XPR1: variants seen among roughly 807,000 people sequenced by gnomAD.
XPR1 encodes the protein solute carrier family 53 member 1.
Under a neutral mutation model 87.5 loss-of-function variants are expected in XPR1, and 28 were observed. The ratio of observed to expected loss-of-function variants is 0.32; its 90% confidence interval spans 0.24 to 0.44. The LOEUF is 0.44. Ranked by LOEUF, XPR1 falls within the 20% of genes least tolerant of loss-of-function variation. The pLI, the probability that XPR1 is intolerant of heterozygous loss-of-function variation, is 1.00. For synonymous variants in XPR1, 300 were observed against 306.1 expected, an observed-to-expected ratio of 0.98 and a Z score of 0.21; for missense variants, 559 against 862.3, an observed-to-expected ratio of 0.65 and a Z score of 4.41.
In XPR1 at chr1:180,722,694, G is replaced by A. The variant is rs549331386; in HGVS notation, c.121+40283G>A. Among the ~76,000 whole-genome samples, 30 of 152,204 alleles carry A rather than the reference G, an allele frequency of 2.0e-4. No homozygotes were observed. The South Asian group carries it at 3.9e-3, about 20-fold the overall frequency. ...AAACTAAATGATCATCAAAACACTG[G>A]TCTTAAAATAGAGTTCAGGCTGTTT... On this transcript the variant is annotated intron_variant, in intron 2 of 14. Transcript: ENST00000367590.
Position 180,754,757 on chromosome 1 carries a change from C to T in XPR1, c.122-32996C>T, listed in dbSNP as rs560487168. Among the ~76,000 whole-genome samples, 21 of 152,208 alleles carry T rather than the reference C, an allele frequency of 1.4e-4. No individual in the cohort carries two copies. In the South Asian group the frequency reaches 3.7e-3, roughly 27 times the overall value. Reference sequence around the variant, plus strand: ...GATTACAGGTGTGAGCCATCGGGCCCGGCCTCCTTTCTTGTATTTTAAAAT... The same window carrying T: ...GATTACAGGTGTGAGCCATCGGGCCTGGCCTCCTTTCTTGTATTTTAAAAT... On this transcript the variant is annotated intron_variant, in intron 2 of 14. Coordinates refer to ENST00000367590, the MANE Select transcript of XPR1 (RefSeq NM_004736.4).
chr1:180,772,682 T>C (rs1648561624), intron 2 of XPR1, among the ~76,000 whole-genome samples: 1 of 152,230 alleles, frequency 6.6e-6, no homozygotes, highest in Admixed American at 6.5e-5. Context: ...TGAGATTTGA[T>C]GGTTTTAAAA....
chr1:180,632,051 G>C lies in XPR1; in HGVS notation c.-151G>C. 1.2e-6 allele frequency: 1 copy of C among 832,726 alleles called. No individual in the cohort carries two copies. Among genetic ancestry groups the C allele is most frequent in the South Asian group, 1.5e-5 (1 of 67,142 alleles). The allele number at this position is 832,726 out of a possible 1,614,324, so 51.6% of individuals were successfully genotyped here. ...AGAGGAGGAGGAAGATGGCGGGCGG[G>C]CTGCTCTGAAGAGACCTCGGCGGCG... On this transcript the variant is annotated 5_prime_UTR_variant, in exon 1 of 15. Coordinates refer to ENST00000367590, the MANE Select transcript of XPR1 (RefSeq NM_004736.4).
At chr1:180,812,750 A>ACGATTTTC (rs887582116) in intron 7 of XPR1, among the ~76,000 whole-genome samples, 2 of 150,088 alleles carry the variant, frequency 1.3e-5, no homozygotes, top group African/African-American at 2.5e-5. Context: ...CTGGGTTCAC[A>ACGATTTTC]CGATTTTCCT....
At chr1:180,757,808 C>T (rs1647810139) in intron 2 of XPR1, among the ~76,000 whole-genome samples, 1 of 148,336 alleles carries the variant, frequency 6.7e-6, no homozygotes. Context: ...GTCCCCACCC[C>T]TGGCCTCACT....
intron 3 of XPR1, among the ~76,000 whole-genome samples, chr1:180,798,988 A>T (rs1649686413): frequency 6.6e-6 from 1 of 152,194 alleles, no homozygotes; most frequent in Non-Finnish European, 1.5e-5. Context: ...CCTGGGTTCC[A>T]GAGCTTGTTG....
rs80077024 is a variant in XPR1 at position 180,694,198 on chromosome 1, G to A, written c.121+11787G>A. On this transcript the variant is annotated intron_variant, in intron 2 of 14. Transcript: ENST00000367590. ...TGATCTTGAACTCCTGGGGTCAAGC[G>A]ATCCTCTTGCCTGGCCTCCCAAAGT... Among the ~76,000 whole-genome samples the A allele has an allele frequency of 2.8e-3, 424 of 152,254 alleles. 8 individuals are homozygous for A. In the East Asian group the frequency reaches 0.071, roughly 26 times the overall value.
chr1:180,801,480 A>G (rs1378023516), intron 3 of XPR1, among the ~76,000 whole-genome samples: 3 of 152,072 alleles, frequency 2.0e-5, no homozygotes, highest in Admixed American at 2.0e-4. Context: ...ATCATAGGAA[A>G]TACAAGAAGA....
chr1:180,768,834 T>A (rs949447903), intron 2 of XPR1, among the ~76,000 whole-genome samples: 1 of 152,248 alleles, frequency 6.6e-6, no homozygotes, highest in African/African-American at 2.4e-5. Flanking sequence ...TACTTTAGGT[T>A]ATAGAAATGC....
chr1:180,806,572 C>T lies in XPR1; in HGVS notation c.681+15C>T. The stretch of plus-strand genomic sequence containing the variant: ...GAGCTGCTCAGGTTAGTATTTGGTT[C>T]CAGTAGTTTGTTTGGTTTCACCTAT... On this transcript the variant is annotated intron_variant, in intron 6 of 14. Transcript: ENST00000367590. The T allele has an allele frequency of 6.2e-7, 1 of 1,603,272 alleles. No individual in the cohort carries two copies. The highest frequency in any genetic ancestry group is 8.5e-7 in the Non-Finnish European group (1 of 1,172,354).
intron 2 of XPR1, among the ~76,000 whole-genome samples, chr1:180,686,849 C>G (rs893594079): frequency 3.9e-5 from 6 of 152,160 alleles, no homozygotes; most frequent in African/African-American, 1.4e-4. Flanking sequence ...ATAAAAATAT[C>G]CATCTTTCAT....
chr1:180,801,889 C>T (rs1649798694), intron 3 of XPR1, among the ~76,000 whole-genome samples: 1 of 151,884 alleles, frequency 6.6e-6, no homozygotes, highest in Middle Eastern at 3.4e-3. Flanking sequence ...CTCTGCCTCC[C>T]GAATTCAAGC....
intron 2 of XPR1, among the ~76,000 whole-genome samples, chr1:180,743,463 A>G (rs1220548218): frequency 6.6e-6 from 1 of 152,110 alleles, no homozygotes; most frequent in Non-Finnish European, 1.5e-5. Context: ...TGACATCCAC[A>G]TACATTGAAA....
chr1:180,693,497 T>C (rs1657060015), intron 2 of XPR1, among the ~76,000 whole-genome samples: 1 of 152,246 alleles, frequency 6.6e-6, no homozygotes, highest in South Asian at 2.1e-4. Flanking sequence ...ATTGGAAAAG[T>C]AGATAACCTC....
intron 1 of XPR1, among the ~76,000 whole-genome samples, chr1:180,667,793 T>G (rs1388035249): frequency 3.3e-5 from 5 of 152,220 alleles, no homozygotes; most frequent in Non-Finnish European, 5.9e-5. Flanking sequence ...ATTTTCTGTT[T>G]CTTCATGGTT....
chr1:180,634,419 G>A (rs73047677), intron 1 of XPR1, among the ~76,000 whole-genome samples: 6,515 of 152,186 alleles, frequency 0.043, 497 homozygotes, highest in African/African-American at 0.15. Flanking sequence ...CTTGTTTTGT[G>A]TGTTGTTTCT....
chr1:180,706,432 C>G (rs142409168), intron 2 of XPR1, among the ~76,000 whole-genome samples: 194 of 152,280 alleles, frequency 1.3e-3, no homozygotes, highest in Non-Finnish European at 2.2e-3. Flanking sequence ...GCCATATGCT[C>G]CCTTCTTCAG....
intron 1 of XPR1, among the ~76,000 whole-genome samples, chr1:180,637,289 A>G (rs1654817227): frequency 6.6e-6 from 1 of 152,196 alleles, no homozygotes; most frequent in African/African-American, 2.4e-5. Flanking sequence ...TTATGGGTGC[A>G]TAATTAAATG....
chr1:180,785,041 G>GTGTGTA (rs1649087768), intron 2 of XPR1, among the ~76,000 whole-genome samples: 1 of 150,804 alleles, frequency 6.6e-6, no homozygotes, highest in Non-Finnish European at 1.5e-5. Context: ...GTGTGTGTGT[G>GTGTGTA]TGTGTTACTA....
Sources: allele counts gnomAD v4.1 joint callset (sites outside exome capture counted in the v4.1 genomes callset), GRCh38; gene constraint gnomAD v4.1.1; transcripts MANE v1.5; gene names NCBI Gene and HGNC (gene_info 2026-07-23, HGNC 2026-07-21).